DNAH12: variants seen among roughly 807,000 people sequenced by gnomAD.
DNAH12 encodes dynein axonemal heavy chain 12.
In DNAH12, 285 loss-of-function variants were observed where a neutral mutation model predicts 371.5. That is an observed-to-expected ratio of 0.77 (90% CI 0.70 to 0.85). DNAH12 has a LOEUF of 0.85. Among genes scored for constraint, DNAH12 ranks in the 40% least tolerant of loss-of-function variants. DNAH12 has a pLI of 0.00. For missense variants in DNAH12, 3,611 were observed against 3,689.4 expected (o/e 0.98, Z 0.55); for synonymous variants, 1,200 against 1,213.0 (o/e 0.99, Z 0.22).
At chr3:57,376,545 C>T (rs2063285109) in intron 53 of DNAH12, among the ~76,000 whole-genome samples, 1 of 152,114 alleles carries the variant, frequency 6.6e-6, no homozygotes, top group Non-Finnish European at 1.5e-5. Context: ...AAACAGCTGG[C>T]TGTCCAATCC....
In DNAH12 at chr3:57,323,487, C is replaced by T; in HGVS notation, c.10111G>A (p.Gly3371Arg). The T allele has an allele frequency of 6.5e-7, 1 of 1,549,058 alleles. No homozygotes were observed. Among genetic ancestry groups the T allele is most frequent in the Non-Finnish European group, 8.7e-7 (1 of 1,146,332 alleles). The change falls in exon 63 of 74, where the codon GGA (glycine) becomes AGA (arginine). Residue 3371 changes from glycine (G) to arginine (R), a missense_variant. Coordinates refer to ENST00000495027, the MANE Select transcript of DNAH12 (RefSeq NM_001366028.2). ...CACTTACTGGCCATAGGATCTGCTC[C>T]TGGAGATAGAACAAAAATTAAGGGA... ...TIPLIFVLSP[G>R]ADPMASLLKF...
At chr3:57,448,482 C>A (rs907514955) in intron 25 of DNAH12, among the ~76,000 whole-genome samples, 1 of 152,186 alleles carries the variant, frequency 6.6e-6, no homozygotes, top group South Asian at 2.1e-4. Context: ...CGTGGTCTCG[C>A]TGGCTTCAGG....
intron 30 of DNAH12, among the ~76,000 whole-genome samples, chr3:57,435,907 C>G (rs966892242): frequency 2.6e-5 from 4 of 151,808 alleles, no homozygotes; most frequent in Non-Finnish European, 5.9e-5. Context: ...TTTTTGTAAC[C>G]CTACCTTTAG....
Position 57,482,986 on chromosome 3 carries a change from G to T in DNAH12, c.1650+390C>A, listed in dbSNP as rs77902007. The stretch of plus-strand genomic sequence containing the variant: ...TACCTATGTTAAATGACGAGTTAAT[G>T]GGTGCAGCACACCAACATGACACAT... On this transcript the variant is annotated intron_variant, in intron 13 of 73. Coordinates refer to ENST00000495027, the MANE Select transcript of DNAH12 (RefSeq NM_001366028.2). 8.6e-4 allele frequency among the ~76,000 whole-genome samples: 130 copies of T among 151,560 alleles called. 4 individuals carry two copies. In the East Asian group the frequency reaches 0.023, roughly 27 times the overall value.
chr3:57,542,162 G>T (rs934295364), intron 2 of DNAH12, among the ~76,000 whole-genome samples: 10 of 130,348 alleles, frequency 7.7e-5, no homozygotes, highest in Non-Finnish European at 1.3e-4. Context: ...AACTGGGGGG[G>T]GGGGGGGCGG....
In DNAH12 at chr3:57,500,159, C is replaced by CT. The variant is rs1553711818; in HGVS notation, c.1335+1161_1335+1162insA. The stretch of plus-strand genomic sequence containing the variant: ...AGGTTCAAGCGATCCTACTCCTCAG[C>CT]CCCCCCTAGTAGCTGGGATTACAGG... On this transcript the variant is annotated intron_variant, in intron 11 of 73. Coordinates refer to ENST00000495027, the MANE Select transcript of DNAH12 (RefSeq NM_001366028.2). Among the ~76,000 whole-genome samples, 21 of 32,006 alleles carry CT rather than the reference C, an allele frequency of 6.6e-4. No homozygotes were observed. The South Asian group carries it at 8.1e-3, about 12-fold the overall frequency. The allele number at this position is 32,006 out of a possible 152,430, so 21.0% of individuals were successfully genotyped here. A position where few individuals can be genotyped will look rare whatever the true frequency, so the allele number is the denominator to read the frequency against.
chr3:57,399,810 T>C (rs1575545883), intron 43 of DNAH12, among the ~76,000 whole-genome samples: 2 of 152,226 alleles, frequency 1.3e-5, no homozygotes, highest in South Asian at 2.1e-4. Flanking sequence ...ACTTAATGAA[T>C]AGTCAATATA....
At chr3:57,540,846 C>G (rs933791067) in intron 2 of DNAH12, among the ~76,000 whole-genome samples, 1 of 151,556 alleles carries the variant, frequency 6.6e-6, no homozygotes, top group Non-Finnish European at 1.5e-5. Flanking sequence ...GGGAGGATCA[C>G]GAGAGTCCAG....
At chr3:57,477,673 C>A (rs1245749915) in intron 13 of DNAH12, among the ~76,000 whole-genome samples, 1 of 152,164 alleles carries the variant, frequency 6.6e-6, no homozygotes, top group Non-Finnish European at 1.5e-5. Flanking sequence ...GAGGCACCCC[C>A]CAGTAGGGGC....
At chr3:57,453,069 A>T (rs1458584646) in intron 24 of DNAH12, 54 bp from the exon 25 acceptor site, 22 of 1,493,276 alleles carry the variant, frequency 1.5e-5, no homozygotes, top group Non-Finnish European at 1.9e-5. Context: ...AAATAATTTT[A>T]AAAAGAAGTA....
chr3:57,427,170 G>GTGTGTGTGTGTA (rs1559646583), intron 34 of DNAH12, among the ~76,000 whole-genome samples: 3 of 151,700 alleles, frequency 2.0e-5, no homozygotes, highest in African/African-American at 7.3e-5. Flanking sequence ...GTGTGTGTGT[G>GTGTGTGTGTGTA]TGTAGGAGAT....
At position 57,406,842 on chromosome 3, in the gene DNAH12, C is replaced by T. The variant is rs1490443746; in HGVS notation, c.6277-890G>A. 6.4e-4 allele frequency among the ~76,000 whole-genome samples: 98 copies of T among 152,186 alleles called. 2 individuals are homozygous for T. The highest frequency in any genetic ancestry group is 6.3e-3 in the Admixed American group (97 of 15,294). On this transcript the variant is annotated intron_variant, in intron 40 of 73. Coordinates refer to ENST00000495027, the MANE Select transcript of DNAH12 (RefSeq NM_001366028.2). ...AATTCACCAAATGAAGTTTAACGTT[C>T]TCTTAAAGGAAGGTGAATTAAGCCT...
intron 11 of DNAH12, among the ~76,000 whole-genome samples, chr3:57,492,747 A>G (rs1001736445): frequency 3.3e-5 from 5 of 152,104 alleles, no homozygotes; most frequent in African/African-American, 1.2e-4. Context: ...AGTGGCTCAC[A>G]CCTGTAATCC....
At chr3:57,311,477 G>A (rs943200194) in intron 66 of DNAH12, among the ~76,000 whole-genome samples, 1 of 152,180 alleles carries the variant, frequency 6.6e-6, no homozygotes, top group African/African-American at 2.4e-5. Flanking sequence ...AAAAAAAGAC[G>A]ACATGGAAAT....
At chr3:57,384,645 AAAAAT>A (rs1266944457) in intron 49 of DNAH12, among the ~76,000 whole-genome samples, 179 bp downstream of exon 49, 9 of 152,210 alleles carry the variant, frequency 5.9e-5, no homozygotes, top group Admixed American at 3.3e-4. Flanking sequence ...CTCTGTCTCA[AAAAAT>A]AAAATAAAAT....
At chr3:57,408,179 T>G (rs2064095126) in intron 40 of DNAH12, 101 bp downstream of exon 40, 1 of 1,297,814 alleles carries the variant, frequency 7.7e-7, no homozygotes, top group African/African-American at 1.5e-5. Context: ...ACAGTTTCTC[T>G]GACACCAAAG....
chr3:57,547,047 C>T (rs960709778), upstream of DNAH12, among the ~76,000 whole-genome samples: 5 of 152,004 alleles, frequency 3.3e-5, no homozygotes, highest in African/African-American at 1.2e-4. Flanking sequence ...AAACTCCAAA[C>T]AGCAGCTGGG....
chr3:57,307,076 C>G (rs561937309), intron 69 of DNAH12, among the ~76,000 whole-genome samples: 1 of 152,320 alleles, frequency 6.6e-6, no homozygotes, highest in East Asian at 1.9e-4. Flanking sequence ...TTTCTTCAGT[C>G]ACGCCCAAAT....
intron 29 of DNAH12, among the ~76,000 whole-genome samples, chr3:57,440,035 G>A (rs1436715991): frequency 6.6e-6 from 1 of 152,120 alleles, no homozygotes; most frequent in Admixed American, 6.5e-5. Flanking sequence ...AACAGATGCT[G>A]GCAAGCCTGC....
Sources: gnomAD v4.1 joint callset for allele counts (sites outside exome capture counted in the v4.1 genomes callset) on GRCh38, gnomAD v4.1.1 for gene constraint, MANE v1.5 for transcripts, NCBI Gene and HGNC (gene_info 2026-07-23, HGNC 2026-07-21) for gene names.